Variants in PKP2 observed in about 807,000 individuals in gnomAD.
PKP2 encodes plakophilin-2.
In PKP2, 73 loss-of-function variants were observed where a neutral mutation model predicts 83.4. The observed-to-expected ratio is 0.88, with a 90% CI of 0.72 to 1.06. The LOEUF is 1.06. PKP2 is among the 50% of genes least tolerant of loss of function. The pLI is 0.00. For missense variants in PKP2, 966 were observed against 1,065.4 expected (o/e 0.91, Z 1.30); for synonymous variants, 409 against 430.4 (o/e 0.95, Z 0.62).
At chr12:32,841,266 A>C in intron 5 of PKP2, 61 bp from the exon 6 acceptor site, 1 of 1,385,920 alleles carries the variant, frequency 7.2e-7, no homozygotes. Flanking sequence ...GACCGCTGAA[A>C]AGTTCAGTCA....
chr12:32,895,076 G>A (rs1162833761), intron 1 of PKP2, among the ~76,000 whole-genome samples: 1 of 152,122 alleles, frequency 6.6e-6, no homozygotes, highest in Non-Finnish European at 1.5e-5. Flanking sequence ...AGGTTTGGGA[G>A]TTTAAATACC....
chr12:32,801,925 T>A (rs566054990), intron 10 of PKP2, among the ~76,000 whole-genome samples: 6 of 152,192 alleles, frequency 3.9e-5, no homozygotes, highest in Non-Finnish European at 7.3e-5. Context: ...ATTGTGATTA[T>A]CTGTTTATCC....
intron 3 of PKP2, among the ~76,000 whole-genome samples, chr12:32,872,269 A>G (rs1956901630): frequency 6.6e-6 from 1 of 152,182 alleles, no homozygotes; most frequent in Non-Finnish European, 1.5e-5. Context: ...GTGGTGGCTC[A>G]TACCTGTAAT....
At chr12:32,822,019 A>G (rs1379832477) in intron 8 of PKP2, among the ~76,000 whole-genome samples, 2 of 152,200 alleles carry the variant, frequency 1.3e-5, no homozygotes, top group Non-Finnish European at 2.9e-5. Flanking sequence ...GGAAATAAAT[A>G]TGTATTCCTT....
chr12:32,793,613 CTTTTTT>C (rs35990527), intron 11 of PKP2, among the ~76,000 whole-genome samples: 1 of 76,714 alleles, frequency 1.3e-5, no homozygotes, highest in Non-Finnish European at 2.3e-5. Context: ...TCATATTCTG[CTTTTTT>C]TTTTTTTTTT....
rs35463895 is a variant in PKP2 at position 32,830,904 on chromosome 12, TAA to T, written c.1557-6744_1557-6743del. The stretch of plus-strand genomic sequence containing the variant: ...CTAGGCAACAGAGTGAGACTGCATC[TAA>T]AAAAAAAAAAAAAATCCTTTAGCTC... On this transcript the variant is annotated intron_variant, in intron 6 of 12. Transcript: ENST00000340811. Among the ~76,000 whole-genome samples the T allele has an allele frequency of 7.3e-3, 1,063 of 145,060 alleles. 1 individual carries two copies. The highest frequency in any genetic ancestry group is 7.0e-3 in the Middle Eastern group (2 of 286).
intron 9 of PKP2, among the ~76,000 whole-genome samples, chr12:32,804,787 G>A (rs113833602): frequency 0.2 from 29,677 of 152,012 alleles, 3,550 homozygotes; most frequent in East Asian, 0.56. Flanking sequence ...TTTATAAGAG[G>A]ACGATTTATA....
intron 4 of PKP2, among the ~76,000 whole-genome samples, chr12:32,863,783 T>C (rs1456486012): frequency 6.6e-6 from 1 of 152,176 alleles, no homozygotes; most frequent in Non-Finnish European, 1.5e-5. Context: ...CCAAACTCTT[T>C]CAAAAAACTG....
chr12:32,879,140 C>A, intron 1 of PKP2, 108 bp from the exon 2 acceptor site: 1 of 723,326 alleles, frequency 1.4e-6, no homozygotes, highest in Non-Finnish European at 2.5e-6. Context: ...GTAATGAAGG[C>A]CAAGAACAAG....
chr12:32,886,744 C>T (rs1470795446), intron 1 of PKP2, among the ~76,000 whole-genome samples: 1 of 152,172 alleles, frequency 6.6e-6, no homozygotes, highest in African/African-American at 2.4e-5. Context: ...GCAATCCTAG[C>T]ACTTGGGGAG....
intron 9 of PKP2, among the ~76,000 whole-genome samples, chr12:32,813,661 T>C (rs1208538799): frequency 6.6e-6 from 1 of 151,906 alleles, no homozygotes; most frequent in Non-Finnish European, 1.5e-5. Context: ...GTGCCTGTGG[T>C]TCTAGCTTTT....
At chr12:32,839,795 T>C (rs1380857107) in intron 6 of PKP2, among the ~76,000 whole-genome samples, 1 of 152,204 alleles carries the variant, frequency 6.6e-6, no homozygotes, top group Non-Finnish European at 1.5e-5. Context: ...AGGTGAGCGA[T>C]GGATCAAAGT....
intron 9 of PKP2, among the ~76,000 whole-genome samples, chr12:32,819,461 A>G (rs7308045): frequency 6.6e-6 from 1 of 151,974 alleles, no homozygotes; most frequent in Non-Finnish European, 1.5e-5. Context: ...GTAAGCTTCC[A>G]TTTAGGGATG....
chr12:32,833,331 T>A (rs1192400664), intron 6 of PKP2, among the ~76,000 whole-genome samples: 25 of 152,212 alleles, frequency 1.6e-4, no homozygotes, highest in Non-Finnish European at 2.5e-4. Flanking sequence ...TAAAGTTTGG[T>A]ACCAAGATAC....
intron 4 of PKP2, among the ~76,000 whole-genome samples, chr12:32,860,277 C>T (rs747132001): frequency 6.6e-6 from 1 of 152,082 alleles, no homozygotes; most frequent in Non-Finnish European, 1.5e-5. Context: ...CTGAGATGTG[C>T]AGAGGACCTG....
At chr12:32,839,826 A>G (rs1368758223) in intron 6 of PKP2, among the ~76,000 whole-genome samples, 1 of 152,210 alleles carries the variant, frequency 6.6e-6, no homozygotes, top group Non-Finnish European at 1.5e-5. Flanking sequence ...AGCAGATTCA[A>G]TGGGCAGTAC....
intron 1 of PKP2, among the ~76,000 whole-genome samples, chr12:32,883,560 G>T (rs768104379): frequency 6.6e-6 from 1 of 152,088 alleles, no homozygotes; most frequent in Non-Finnish European, 1.5e-5. Flanking sequence ...ATACACAAAG[G>T]TGCATCCAGC....
At position 32,878,223 on chromosome 12, in the gene PKP2, T is replaced by C. The variant is rs750880081; in HGVS notation, c.657A>G (p.Arg219=). ...SRQRHFDTYH[R]QYQHGSVSDT... ...CGCTAACAGAGCCATGCTGGTACTG[T>C]CTGTGGTATGTGTCAAAGTGGCGCT... Residue 219 remains arginine, a synonymous_variant, in exon 3 of 13, where the codon AGA becomes AGG. Coordinates refer to ENST00000340811, the MANE Select transcript of PKP2 (RefSeq NM_001005242.3). 5 of 1,614,030 alleles carry C rather than the reference T, an allele frequency of 3.1e-6. No individual in the cohort carries two copies. In the Admixed American group the frequency reaches 5.0e-5, roughly 16 times the overall value.
chr12:32,834,546 G>A (rs942478864), intron 6 of PKP2, among the ~76,000 whole-genome samples: 6 of 152,034 alleles, frequency 3.9e-5, no homozygotes. Flanking sequence ...CTGCTCTTGG[G>A]GCAAGTGTTT....
Sources: gnomAD v4.1 joint callset for allele counts (sites outside exome capture counted in the v4.1 genomes callset) on GRCh38, gnomAD v4.1.1 for gene constraint, MANE v1.5 for transcripts, NCBI Gene and HGNC (gene_info 2026-07-23, HGNC 2026-07-21) for gene names.